Variants in PDE3B observed in about 807,000 individuals in gnomAD.
PDE3B encodes phosphodiesterase 3B, also known as cGMP-inhibited 3',5'-cyclic phosphodiesterase 3B.
PDE3B carries 66 observed loss-of-function variants against 116.8 expected under a neutral mutation model. That is an observed-to-expected ratio of 0.56 (90% confidence interval 0.46 to 0.69). The LOEUF is 0.69. Among genes scored for constraint, PDE3B ranks in the 30% least tolerant of loss-of-function variants. PDE3B has a pLI of 0.00. For missense variants in PDE3B, 1,384 were observed against 1,368.1 expected, an observed-to-expected ratio of 1.01 and a Z score of -0.18; for synonymous variants, 595 against 533.6, an observed-to-expected ratio of 1.12 and a Z score of -1.59.
intron 1 of PDE3B, among the ~76,000 whole-genome samples, chr11:14,672,009 C>A: frequency 8.7e-6 from 1 of 114,840 alleles, no homozygotes; most frequent in African/African-American, 3.5e-5. Flanking sequence ...AGAGTGAGAC[C>A]TTGTCTTGAA....
chr11:14,672,514 G>T (rs558991748), intron 1 of PDE3B, among the ~76,000 whole-genome samples: 35 of 152,238 alleles, frequency 2.3e-4, no homozygotes, highest in African/African-American at 8.4e-4. Flanking sequence ...AGTTTTGTTG[G>T]TCTATTTGTT....
chr11:14,826,813 A>G (rs1859708741), intron 7 of PDE3B, among the ~76,000 whole-genome samples: 1 of 152,012 alleles, frequency 6.6e-6, no homozygotes, highest in African/African-American at 2.4e-5. Flanking sequence ...CCCCCAACCC[A>G]TACTATGAGG....
chr11:14,708,142 TTGGGGG>T (rs1855585937), intron 1 of PDE3B, among the ~76,000 whole-genome samples: 1 of 152,020 alleles, frequency 6.6e-6, no homozygotes, highest in Admixed American at 6.6e-5. Flanking sequence ...ATGACTTCCA[TTGGGGG>T]TGAGTGAGTT....
chr11:14,890,217 C>G, the PDE3B span, among the ~76,000 whole-genome samples: 1 of 151,252 alleles, frequency 6.6e-6, no homozygotes, highest in Non-Finnish European at 1.5e-5. Context: ...TTCTCACTAC[C>G]GAGAAAAAAA....
At chr11:14,891,063 TATAA>T in the PDE3B span, 1 of 985,304 alleles carries the variant, frequency 1.0e-6, no homozygotes, top group African/African-American at 1.7e-5. Context: ...TGTAGTTGCA[TATAA>T]ATAAGTGTAA....
chr11:14,758,285 G>A (rs1452450583), intron 1 of PDE3B, among the ~76,000 whole-genome samples: 234 of 147,594 alleles, frequency 1.6e-3, no homozygotes, highest in African/African-American at 5.3e-3. Flanking sequence ...TTGGCGATGC[G>A]GGCTCTTTTT....
At chr11:14,761,476 AT>A (rs1306953269) in intron 1 of PDE3B, among the ~76,000 whole-genome samples, 3 of 152,078 alleles carry the variant, frequency 2.0e-5, no homozygotes, top group South Asian at 2.1e-4. Context: ...ATTTTATGCT[AT>A]TTTTTACATG....
At chr11:14,896,129 C>G in the PDE3B span, among the ~76,000 whole-genome samples, 5 of 152,218 alleles carry the variant, frequency 3.3e-5, no homozygotes, top group Non-Finnish European at 7.3e-5. Context: ...TTCCTCCCAT[C>G]CAGCTACCCA....
intron 1 of PDE3B, among the ~76,000 whole-genome samples, chr11:14,726,919 A>G (rs1856322927): frequency 6.6e-6 from 1 of 152,182 alleles, no homozygotes; most frequent in Non-Finnish European, 1.5e-5. Context: ...GAGGAAATGT[A>G]ATCAAGGAAG....
At chr11:14,868,184 T>C (rs910961867) in intron 15 of PDE3B, among the ~76,000 whole-genome samples, 1 of 152,200 alleles carries the variant, frequency 6.6e-6, no homozygotes, top group Non-Finnish European at 1.5e-5. Flanking sequence ...TTCTTATTCT[T>C]ATTTAATTAA....
At chr11:14,808,668 C>CGATA (rs1554997512) in intron 5 of PDE3B, among the ~76,000 whole-genome samples, 1 of 151,438 alleles carries the variant, frequency 6.6e-6, no homozygotes, top group Non-Finnish European at 1.5e-5. Context: ...CTATTATCAC[C>CGATA]AATAAGTTTA....
intron 3 of PDE3B, among the ~76,000 whole-genome samples, chr11:14,787,188 A>G (rs1482403143): frequency 1.3e-5 from 2 of 151,988 alleles, no homozygotes; most frequent in Non-Finnish European, 2.9e-5. Context: ...TTATATCATT[A>G]GAATAGAGGA....
intron 1 of PDE3B, among the ~76,000 whole-genome samples, chr11:14,727,804 A>G (rs1054284963): frequency 1.3e-5 from 2 of 152,016 alleles, no homozygotes; most frequent in Non-Finnish European, 2.9e-5. Context: ...TTTAAAATTC[A>G]TTTGTGCTTA....
intron 4 of PDE3B, among the ~76,000 whole-genome samples, chr11:14,798,490 A>G (rs1048850353): frequency 1.3e-5 from 2 of 152,164 alleles, no homozygotes; most frequent in African/African-American, 2.4e-5. Context: ...TGAGTGGAGT[A>G]GTTTCAGAAC....
Position 14,684,700 on chromosome 11 carries a change from G to A in PDE3B, c.978+39647G>A, listed in dbSNP as rs548822025. ...CCGCATAAGACACTTGCAGAGCAGCGTTTATAGACCTCCCCCCAGGGATGC... is the reference window on the plus strand; with the variant it reads ...CCGCATAAGACACTTGCAGAGCAGCATTTATAGACCTCCCCCCAGGGATGC... On this transcript the variant is annotated intron_variant, in intron 1 of 15. Transcript: ENST00000282096. Among the ~76,000 whole-genome samples, 7 of 152,182 alleles carry A rather than the reference G, an allele frequency of 4.6e-5. No individual in the cohort carries two copies. In the South Asian group the frequency reaches 8.3e-4, roughly 18 times the overall value.
intron 13 of PDE3B, among the ~76,000 whole-genome samples, chr11:14,860,331 A>T (rs1420856818): frequency 6.6e-6 from 1 of 151,368 alleles, no homozygotes; most frequent in African/African-American, 2.5e-5. Flanking sequence ...CAATCAAAAG[A>T]GCTCTTCTCT....
intron 1 of PDE3B, among the ~76,000 whole-genome samples, chr11:14,684,976 G>C (rs1218304755): frequency 6.6e-6 from 1 of 151,728 alleles, no homozygotes; most frequent in Non-Finnish European, 1.5e-5. Flanking sequence ...TAATCAATTT[G>C]TACAGTTAAC....
At chr11:14,759,015 A>G (rs1300144606) in intron 1 of PDE3B, among the ~76,000 whole-genome samples, 1 of 152,012 alleles carries the variant, frequency 6.6e-6, no homozygotes, top group Non-Finnish European at 1.5e-5. Flanking sequence ...TTCTGCATCT[A>G]TTGAGATAGT....
intron 10 of PDE3B, among the ~76,000 whole-genome samples, chr11:14,833,666 G>A (rs922796142): frequency 6.6e-6 from 1 of 152,082 alleles, no homozygotes; most frequent in African/African-American, 2.4e-5. Context: ...GAAAAAGATG[G>A]ACTGTCTTTA....
Sources: allele counts gnomAD v4.1 joint callset (sites outside exome capture counted in the v4.1 genomes callset), GRCh38; gene constraint gnomAD v4.1.1; transcripts MANE v1.5; gene names NCBI Gene and HGNC (gene_info 2026-07-23, HGNC 2026-07-21).